Variants in NEXMIF observed in about 807,000 individuals in gnomAD.
NEXMIF encodes XLMR protein related to neurite extension.
A neutral mutation model predicts 62.1 loss-of-function variants in NEXMIF; 8 were observed. That is an observed-to-expected ratio of 0.13 (90% CI 0.08 to 0.23). The LOEUF is 0.23. Ranked by LOEUF, NEXMIF falls within the 10% of genes least tolerant of loss-of-function variation. The pLI is 1.00. For synonymous variants in NEXMIF, 404 were observed against 416.6 expected (o/e 0.97, Z 0.37); for missense variants, 976 against 1,113.3 (o/e 0.88, Z 1.75).
chrX:74,747,096 T>C (rs996491788), intron 1 of NEXMIF, among the ~76,000 whole-genome samples: 1 of 112,014 alleles, frequency 8.9e-6, no homozygotes, highest in Non-Finnish European at 1.9e-5. Flanking sequence ...TGGAATCATA[T>C]TGCCATCATG....
Position 74,743,020 on chromosome X carries a change from C to G in NEXMIF, c.1537G>C (p.Val513Leu). 1 of 1,211,497 alleles carries G rather than the reference C, an allele frequency of 8.3e-7. No homozygotes were observed. The highest frequency in any genetic ancestry group is 1.1e-6 in the Non-Finnish European group (1 of 895,368). ...KVNERKEWLPVGSKEEDDDEW... is the reference protein window; with the variant it reads ...KVNERKEWLPLGSKEEDDDEW... Reference sequence around the variant, plus strand: ...TCATCATCTTCCTCTTTGGAACCAACTGGCAGCCATTCCTTCCTCTCATTT... The same window carrying G: ...TCATCATCTTCCTCTTTGGAACCAAGTGGCAGCCATTCCTTCCTCTCATTT... The change falls in exon 3 of 4, where the codon GTT becomes CTT. Residue 513 changes from valine to leucine, a missense_variant. By Grantham distance (32) the Val-to-Leu change is conservative. Around this residue, in one of 5 missense-constraint regions of NEXMIF, gnomAD observed 639 missense variants for 694.5 expected, o/e 0.92. Coordinates refer to ENST00000055682, the MANE Select transcript of NEXMIF (RefSeq NM_001008537.3).
At chrX:74,919,988 G>A (rs1241114266) in intron 1 of NEXMIF, among the ~76,000 whole-genome samples, 1 of 111,687 alleles carries the variant, frequency 9.0e-6, no homozygotes, top group Non-Finnish European at 1.9e-5. Context: ...GTATTCCATG[G>A]TGTATATGTG....
intron 1 of NEXMIF, among the ~76,000 whole-genome samples, chrX:74,894,068 G>A (rs1218242317): frequency 1.8e-5 from 2 of 110,865 alleles, no homozygotes; most frequent in African/African-American, 6.6e-5. Flanking sequence ...AAGGCAGGCA[G>A]ATCACTTGAG....
intron 1 of NEXMIF, among the ~76,000 whole-genome samples, chrX:74,856,256 T>C (rs1031484851): frequency 2.7e-5 from 3 of 112,316 alleles, no homozygotes; most frequent in African/African-American, 9.7e-5. Flanking sequence ...AAAGTAGACA[T>C]TCTAGACTCA....
chrX:74,903,325 TACACAC>T (rs397897060), intron 1 of NEXMIF, among the ~76,000 whole-genome samples: 3,336 of 51,018 alleles, frequency 0.065, 51 homozygotes, highest in Admixed American at 0.089. Flanking sequence ...TTCTCAGGCA[TACACAC>T]ACACACACAC....
chrX:74,799,405 A>G (rs1186605237), intron 1 of NEXMIF, among the ~76,000 whole-genome samples: 4 of 111,400 alleles, frequency 3.6e-5, no homozygotes, highest in Non-Finnish European at 7.5e-5. Flanking sequence ...TGCCAGCAAA[A>G]TAAATAAAGA....
At chrX:74,747,194 G>GT (rs2080128322) in intron 1 of NEXMIF, among the ~76,000 whole-genome samples, 2 of 111,738 alleles carry the variant, frequency 1.8e-5, no homozygotes, top group Non-Finnish European at 3.8e-5. Context: ...GTCCATCTTG[G>GT]CAGGAACTTG....
intron 1 of NEXMIF, among the ~76,000 whole-genome samples, chrX:74,884,373 C>T (rs754120197): frequency 4.5e-4 from 50 of 111,266 alleles, no homozygotes; most frequent in African/African-American, 1.5e-3. Context: ...GAGTCAAGAC[C>T]CATCAGTGTG....
chrX:74,796,219 A>ACATATAT (rs2080309378), intron 1 of NEXMIF, among the ~76,000 whole-genome samples: 1 of 69,390 alleles, frequency 1.4e-5, no homozygotes. Context: ...TTATATATAT[A>ACATATAT]TACATATATA....
chrX:74,758,066 C>G (rs1254456584), intron 1 of NEXMIF, among the ~76,000 whole-genome samples: 7 of 111,867 alleles, frequency 6.3e-5, no homozygotes, highest in African/African-American at 2.3e-4. Flanking sequence ...CTCCAGAAGG[C>G]TAAAACAATG....
At chrX:74,801,981 G>A (rs750177287) in intron 1 of NEXMIF, among the ~76,000 whole-genome samples, 1 of 112,240 alleles carries the variant, frequency 8.9e-6, no homozygotes, top group Non-Finnish European at 1.9e-5. Flanking sequence ...TCTGCCTGTG[G>A]AAATGGGAGG....
chrX:74,793,398 T>C (rs1330743437), intron 1 of NEXMIF, among the ~76,000 whole-genome samples: 1 of 108,407 alleles, frequency 9.2e-6, no homozygotes, highest in Non-Finnish European at 1.9e-5. Flanking sequence ...TCTCTCTGGC[T>C]GCCCTTAACA....
intron 1 of NEXMIF, among the ~76,000 whole-genome samples, chrX:74,863,088 C>G (rs1271434563): frequency 9.1e-6 from 1 of 109,523 alleles, no homozygotes; most frequent in Non-Finnish European, 1.9e-5. Context: ...ATGAGAATCA[C>G]TTGAACCCAG....
At position 74,758,218 on chromosome X, in the gene NEXMIF, T is replaced by A. The variant is rs1018517956; in HGVS notation, c.-47-12521A>T. Among the ~76,000 whole-genome samples, 4 of 110,885 alleles carry A rather than the reference T, an allele frequency of 3.6e-5. No individual in the cohort carries two copies. In the South Asian group the frequency reaches 1.5e-3, roughly 43 times the overall value. On this transcript the variant is annotated intron_variant, in intron 1 of 3. Coordinates refer to ENST00000055682, the MANE Select transcript of NEXMIF (RefSeq NM_001008537.3). ...AGGTATTATTTTAATTAAAATCATC[T>A]TTTAAAATGATCTAACATAAAAAAT...
Position 74,917,841 on chromosome X carries a change from T to C in NEXMIF, c.-48+7042A>G, listed in dbSNP as rs759899146. 1.3e-4 allele frequency among the ~76,000 whole-genome samples: 14 copies of C among 111,464 alleles called. No homozygotes were observed. The Admixed American group carries it at 1.3e-3, about 11-fold the overall frequency. Reference sequence around the variant, plus strand: ...ATTTTATATATTAATGATGAACTTGTGTGTGGGGTGTGTGAAAGCTGAACA... The same window carrying C: ...ATTTTATATATTAATGATGAACTTGCGTGTGGGGTGTGTGAAAGCTGAACA... On this transcript the variant is annotated intron_variant, in intron 1 of 3. Coordinates refer to ENST00000055682, the MANE Select transcript of NEXMIF (RefSeq NM_001008537.3).
chrX:74,866,597 G>A (rs988462632), intron 1 of NEXMIF, among the ~76,000 whole-genome samples: 4 of 112,439 alleles, frequency 3.6e-5, no homozygotes, highest in Non-Finnish European at 7.5e-5. Context: ...GTGTCCCCAC[G>A]CAAATCTCAT....
At chrX:74,884,170 A>T (rs1185785281) in intron 1 of NEXMIF, among the ~76,000 whole-genome samples, 1 of 112,037 alleles carries the variant, frequency 8.9e-6, no homozygotes, top group South Asian at 3.7e-4. Context: ...AGGAACAACC[A>T]GTACCAGCCA....
intron 1 of NEXMIF, among the ~76,000 whole-genome samples, chrX:74,848,645 A>C (rs1052511577): frequency 5.3e-5 from 6 of 112,629 alleles, no homozygotes; most frequent in Non-Finnish European, 1.1e-4. Context: ...ATATCCTATA[A>C]AGATCAAAAT....
chrX:74,785,980 T>A (rs985151291), intron 1 of NEXMIF, among the ~76,000 whole-genome samples: 1 of 112,710 alleles, frequency 8.9e-6, no homozygotes, highest in Non-Finnish European at 1.9e-5. Flanking sequence ...ATGAAATATA[T>A]GTTTTATATT....
Sources: gnomAD v4.1 joint callset for allele counts (sites outside exome capture counted in the v4.1 genomes callset) on GRCh38, gnomAD v4.1.1 for gene constraint, gnomAD v4.1.1 regional missense constraint, MANE v1.5 for transcripts, NCBI Gene and HGNC (gene_info 2026-07-23, HGNC 2026-07-21) for gene names.